The following ROBO1 variants were observed in gnomAD, a reference collection of about 807,000 sequenced individuals.
The protein encoded by ROBO1 is roundabout guidance receptor 1.
In ROBO1, 149 loss-of-function variants were observed where a neutral mutation model predicts 195.9. That is an observed-to-expected ratio of 0.76 (90% CI 0.67 to 0.87). ROBO1 has a LOEUF of 0.87. ROBO1 is among the 40% of genes least tolerant of loss of function. ROBO1 has a pLI of 0.00. For missense variants in ROBO1, 1,933 were observed against 2,068.3 expected (o/e 0.93, Z 1.27); for synonymous variants, 816 against 733.2 (o/e 1.11, Z -1.82).
At chr3:78,652,802 A>C (rs1248233931) in intron 18 of ROBO1, among the ~76,000 whole-genome samples, 2 of 152,214 alleles carry the variant, frequency 1.3e-5, no homozygotes, top group Non-Finnish European at 2.9e-5. Flanking sequence ...AACTTAGTTT[A>C]CATTTATGTT....
chr3:78,830,398 C>A (rs2032053085), intron 4 of ROBO1, among the ~76,000 whole-genome samples: 1 of 152,192 alleles, frequency 6.6e-6, no homozygotes, highest in African/African-American at 2.4e-5. Flanking sequence ...AATCTGTTCT[C>A]ACGCTGCTAA....
Position 78,914,883 on chromosome 3 carries a change from G to A in ROBO1, c.499+23718C>T, listed in dbSNP as rs183575746. 3.2e-3 allele frequency among the ~76,000 whole-genome samples: 491 copies of A among 151,122 alleles called. 4 individuals are homozygous for A. The highest frequency in any genetic ancestry group is 4.1e-3 in the Non-Finnish European group (281 of 67,758). Reference sequence around the variant, plus strand: ...ACATTCTTAAGGTAAGATAATAAATGCCATATCAATTATCTATTATATAAT... The same window carrying A: ...ACATTCTTAAGGTAAGATAATAAATACCATATCAATTATCTATTATATAAT... On this transcript the variant is annotated intron_variant, in intron 4 of 30. Coordinates refer to ENST00000464233, the MANE Select transcript of ROBO1 (RefSeq NM_002941.4).
chr3:79,655,958 C>T (rs1358820449), intron 1 of ROBO1, among the ~76,000 whole-genome samples: 2 of 151,978 alleles, frequency 1.3e-5, no homozygotes, highest in Non-Finnish European at 2.9e-5. Context: ...GAATCACCAA[C>T]TTGGATATTC....
intron 1 of ROBO1, among the ~76,000 whole-genome samples, chr3:79,596,409 G>T (rs1188520798): frequency 6.6e-6 from 1 of 151,956 alleles, no homozygotes; most frequent in East Asian, 1.9e-4. Context: ...CTTGAGCTAG[G>T]CTCTAAAGGG....
chr3:79,452,304 G>A (rs565932347), intron 2 of ROBO1, among the ~76,000 whole-genome samples: 18 of 151,914 alleles, frequency 1.2e-4, no homozygotes, highest in African/African-American at 4.1e-4. Context: ...ATCAACCCTC[G>A]TATCTTCATA....
chr3:78,898,978 C>T (rs182522885), intron 4 of ROBO1, among the ~76,000 whole-genome samples: 1 of 152,170 alleles, frequency 6.6e-6, no homozygotes, highest in African/African-American at 2.4e-5. Flanking sequence ...GTGTATATAG[C>T]GCATCCCCAA....
intron 2 of ROBO1, among the ~76,000 whole-genome samples, chr3:79,412,875 T>G (rs538152411): frequency 0.011 from 289 of 26,066 alleles, 3 homozygotes; most frequent in African/African-American, 0.023. Flanking sequence ...CATGAGCTGA[T>G]TTTTTTTTTT....
intron 2 of ROBO1, among the ~76,000 whole-genome samples, chr3:79,413,135 T>TTA (rs762881324): frequency 6.6e-6 from 1 of 151,806 alleles, no homozygotes; most frequent in Non-Finnish European, 1.5e-5. Flanking sequence ...TTTTCAGACA[T>TTA]TACTAAACAC....
chr3:79,280,829 G>C (rs1431851680), intron 2 of ROBO1, among the ~76,000 whole-genome samples: 2 of 152,102 alleles, frequency 1.3e-5, no homozygotes, highest in Non-Finnish European at 2.9e-5. Flanking sequence ...CTTCACAATA[G>C]GGTTTGAGCT....
intron 1 of ROBO1, among the ~76,000 whole-genome samples, chr3:79,613,978 G>A (rs146330815): frequency 6.6e-6 from 1 of 151,928 alleles, no homozygotes; most frequent in Non-Finnish European, 1.5e-5. Context: ...AAAATCTTAA[G>A]TGTGTATACA....
At chr3:79,563,183 A>G (rs577253045) in intron 2 of ROBO1, among the ~76,000 whole-genome samples, 56 of 152,160 alleles carry the variant, frequency 3.7e-4, no homozygotes, top group African/African-American at 1.3e-3. Context: ...GTTTTGTCCT[A>G]TTGCAACCCC....
chr3:78,647,184 A>C (rs1367137566), intron 20 of ROBO1, among the ~76,000 whole-genome samples: 2 of 152,070 alleles, frequency 1.3e-5, no homozygotes, highest in Non-Finnish European at 2.9e-5. Context: ...GAAAAGTTCT[A>C]TCTTTCACAT....
Position 78,797,554 on chromosome 3 carries a change from C to T in ROBO1, c.500-50654G>A, listed in dbSNP as rs559189451. Among the ~76,000 whole-genome samples, 39 of 152,166 alleles carry T rather than the reference C, an allele frequency of 2.6e-4. 1 individual carries two copies. The South Asian group carries it at 3.1e-3, about 12-fold the overall frequency. ...AGACATGATTACCCAAATGCAAGAC[C>T]AAGTATGTCCCAAGAGGATATTTAA... On this transcript the variant is annotated intron_variant, in intron 4 of 30. Coordinates refer to ENST00000464233, the MANE Select transcript of ROBO1 (RefSeq NM_002941.4).
In ROBO1 at chr3:79,396,473, T is replaced by TA. The variant is rs577383915; in HGVS notation, c.88+193350dup. Among the ~76,000 whole-genome samples, 8 of 151,816 alleles carry TA rather than the reference T, an allele frequency of 5.3e-5. No homozygotes were observed. In the South Asian group the frequency reaches 1.0e-3, roughly 20 times the overall value. Reference sequence around the variant, plus strand: ...AGAAACATTTTAATTAGAAAAACATTAAAAAAAAGTACCTTCGTCTCCATT... The same window carrying TA: ...AGAAACATTTTAATTAGAAAAACATTAAAAAAAAAGTACCTTCGTCTCCATT... On this transcript the variant is annotated intron_variant, in intron 2 of 30. Transcript: ENST00000464233.
rs2081942203 is a variant in ROBO1, at chr3:78,717,871, TTCC to T, written c.667_669del (p.Gly223del). 2 of 1,613,410 alleles carry T rather than the reference TTCC, an allele frequency of 1.2e-6. No individual in the cohort carries two copies. Among genetic ancestry groups the T allele is most frequent in the South Asian group, 2.2e-5 (2 of 91,036 alleles). ...TTACGGGTGTAAGTGATCATGAGCT[TTCC>T]TCCTCGTATCTTAAAAAAAAAGTTT... On this transcript the variant is annotated inframe_deletion, in exon 6 of 31. Transcript: ENST00000464233.
intron 1 of ROBO1, among the ~76,000 whole-genome samples, chr3:79,711,659 C>G (rs898714460): frequency 6.6e-6 from 1 of 151,492 alleles, no homozygotes; most frequent in Admixed American, 6.6e-5. Context: ...CACATACACA[C>G]ATACACACAC....
At chr3:78,949,827 C>A (rs1429961049) in intron 3 of ROBO1, among the ~76,000 whole-genome samples, 1 of 152,092 alleles carries the variant, frequency 6.6e-6, no homozygotes, top group East Asian at 1.9e-4. Context: ...AAAAAACAAA[C>A]AACCCCATCA....
chr3:79,296,230 A>G (rs1488304727), intron 2 of ROBO1, among the ~76,000 whole-genome samples: 2 of 152,214 alleles, frequency 1.3e-5, no homozygotes, highest in African/African-American at 4.8e-5. Flanking sequence ...ATGCTAACAC[A>G]GATACGTTTA....
Position 78,631,321 on chromosome 3 carries a change from A to C in ROBO1, c.3482-16T>G. 6.2e-7 allele frequency: 1 copy of C among 1,611,380 alleles called. No individual in the cohort carries two copies. The highest frequency in any genetic ancestry group is 8.5e-7 in the Non-Finnish European group (1 of 1,178,422). ...CCCTGACTCCCTAGAAAGGAAATAAAATAGAAGCCATTGATCTCTGGCCTT... is the reference window on the plus strand; with the variant it reads ...CCCTGACTCCCTAGAAAGGAAATAACATAGAAGCCATTGATCTCTGGCCTT... On this transcript the variant is annotated splice_polypyrimidine_tract_variant and intron_variant, in intron 24 of 30. Transcript: ENST00000464233.
Sources: gnomAD v4.1 joint callset for allele counts (sites outside exome capture counted in the v4.1 genomes callset) on GRCh38, gnomAD v4.1.1 for gene constraint, MANE v1.5 for transcripts, NCBI Gene and HGNC (gene_info 2026-07-23, HGNC 2026-07-21) for gene names.